The following PIWIL3 variants were observed in gnomAD, a reference collection of about 807,000 sequenced individuals.
PIWIL3 encodes piwi like RNA-mediated gene silencing 3, also known as piwi-like protein 3.
In PIWIL3, 101 loss-of-function variants were observed where a neutral mutation model predicts 109.7. The observed-to-expected ratio is 0.92, with a 90% confidence interval of 0.78 to 1.09. PIWIL3 has a LOEUF of 1.09. Among genes scored for constraint, PIWIL3 ranks in the 50% least tolerant of loss-of-function variants. The pLI, the probability that PIWIL3 is intolerant of heterozygous loss-of-function variation, is 0.00. For synonymous variants in PIWIL3, 373 were observed against 376.4 expected, an observed-to-expected ratio of 0.99 and a Z score of 0.10; for missense variants, 1,031 against 1,072.6, an observed-to-expected ratio of 0.96 and a Z score of 0.54.
At chr22:24,724,019 C>T (rs1209603789) in intron 18 of PIWIL3, among the ~76,000 whole-genome samples, 1 of 152,112 alleles carries the variant, frequency 6.6e-6, no homozygotes, top group Admixed American at 6.6e-5. Context: ...ACAAGCCTTC[C>T]CACAGCAAGA....
rs763894422 is a variant in PIWIL3 at position 24,762,408 on chromosome 22, C to T, written c.92G>A (p.Gly31Glu). 3.1e-5 allele frequency: 50 copies of T among 1,613,356 alleles called. No homozygotes were observed. In the South Asian group the frequency reaches 5.1e-4, roughly 16 times the overall value. Residue 31 changes from glycine to glutamate, a missense_variant, in exon 2 of 21, where the codon GGA becomes GAA. By Grantham distance (98) the Gly-to-Glu change is moderately conservative (BLOSUM62 -2). Coordinates refer to ENST00000616349, the MANE Select transcript of PIWIL3 (RefSeq NM_001255975.1). ...CGTTACAGGGCTCACTGTAGCTGAT[C>T]CAGGTGCTCTGGGTCCCCCAGGTGC... Reference protein sequence around the residue: ...QEAPGGPRAPGSATTQEPPQL... With the variant: ...QEAPGGPRAPESATTQEPPQL...
rs778241701 is a variant in PIWIL3 at position 24,719,904 on chromosome 22, A to G, written c.2358-9T>C. 2.5e-6 allele frequency: 4 copies of G among 1,604,220 alleles called. No individual in the cohort carries two copies. The highest frequency in any genetic ancestry group is 1.3e-5 in the African/African-American group (1 of 74,810). Reference sequence around the variant, plus strand: ...CAATAAAAAAGTCATACCTGGAAATATAGGACATGTGGGTATCAGCTCATT... The same window carrying G: ...CAATAAAAAAGTCATACCTGGAAATGTAGGACATGTGGGTATCAGCTCATT... On this transcript the variant is annotated splice_polypyrimidine_tract_variant and intron_variant, in intron 19 of 20. Coordinates refer to ENST00000616349, the MANE Select transcript of PIWIL3 (RefSeq NM_001255975.1).
At chr22:24,757,846 A>G (rs942221788) in intron 4 of PIWIL3, 62 bp downstream of exon 4, 441 of 715,600 alleles carry the variant, frequency 6.2e-4, no homozygotes, top group African/African-American at 3.9e-3. Context: ...TCTCAATGAA[A>G]AAAAAAAAAA....
In PIWIL3 at chr22:24,766,300, T is replaced by TTTTTG. The variant is rs538454232; in HGVS notation, c.-22-3784_-22-3780dup. On this transcript the variant is annotated intron_variant, in intron 1 of 20. Coordinates refer to ENST00000616349, the MANE Select transcript of PIWIL3 (RefSeq NM_001255975.1). ...CCATGCCTAGCCTAGGTTTTTTGTT[T>TTTTTG]TTTTGTTTTGTTTTGTTTTGTTTTT... Among the ~76,000 whole-genome samples the TTTTTG allele has an allele frequency of 1.4e-3, 210 of 151,544 alleles. 1 individual carries two copies. Among genetic ancestry groups the TTTTTG allele is most frequent in the African/African-American group, 3.9e-3 (159 of 41,170 alleles).
intron 1 of PIWIL3, among the ~76,000 whole-genome samples, chr22:24,771,455 C>T (rs193038414): frequency 2.6e-4 from 37 of 140,038 alleles, no homozygotes; most frequent in African/African-American, 9.4e-4. Context: ...CCAGCCTGGG[C>T]GACAGTGCAA....
At chr22:24,720,665 G>A (rs1922625075) in intron 19 of PIWIL3, among the ~76,000 whole-genome samples, 1 of 152,082 alleles carries the variant, frequency 6.6e-6, no homozygotes, top group Admixed American at 6.6e-5. Context: ...TGTACTTTAT[G>A]TTTATGATAC....
At chr22:24,752,373 G>A (rs1039282282) in intron 8 of PIWIL3, among the ~76,000 whole-genome samples, 1 of 152,044 alleles carries the variant, frequency 6.6e-6, no homozygotes, top group Admixed American at 6.5e-5. Flanking sequence ...GTGTTATGGT[G>A]CCCGCCCACC....
intron 14 of PIWIL3, among the ~76,000 whole-genome samples, chr22:24,731,578 G>C (rs1923351809): frequency 6.6e-6 from 1 of 151,914 alleles, no homozygotes; most frequent in Non-Finnish European, 1.5e-5. Context: ...ATGAACCCGG[G>C]AGGCGGAGGT....
At position 24,755,918 on chromosome 22, in the gene PIWIL3, AAAAAC is replaced by A; in HGVS notation, c.571-18_571-14del. 1 of 1,583,214 alleles carries A rather than the reference AAAAAC, an allele frequency of 6.3e-7. No individual in the cohort carries two copies. The highest frequency in any genetic ancestry group is 1.1e-5 in the South Asian group (1 of 87,322). ...ACCATTCCACTCTCTGAGATTAAAA[AAAAAC>A]AAAAAAAAAAGTCCAGATATTCTTC... On this transcript the variant is annotated splice_polypyrimidine_tract_variant and intron_variant, in intron 5 of 20. Coordinates refer to ENST00000616349, the MANE Select transcript of PIWIL3 (RefSeq NM_001255975.1).
intron 2 of PIWIL3, 131 bp from the exon 3 acceptor site, chr22:24,760,120 G>A (rs1253318144): frequency 7.9e-7 from 1 of 1,266,934 alleles, no homozygotes; most frequent in Admixed American, 2.1e-5. Flanking sequence ...CATAAACTAA[G>A]TTGTAATAAG....
chr22:24,742,830 T>C (rs1924090078), intron 12 of PIWIL3, among the ~76,000 whole-genome samples: 1 of 152,218 alleles, frequency 6.6e-6, no homozygotes, highest in African/African-American at 2.4e-5. Flanking sequence ...CTTCTAGACA[T>C]TGGCTTGGGC....
At chr22:24,772,701 G>T (rs1926195261) in intron 1 of PIWIL3, among the ~76,000 whole-genome samples, 1 of 141,840 alleles carries the variant, frequency 7.1e-6, no homozygotes, top group Non-Finnish European at 1.6e-5. Flanking sequence ...AGGATCCCAG[G>T]AATTAGAAAT....
At chr22:24,749,621 G>C in intron 10 of PIWIL3, 72 bp downstream of exon 10, 1 of 1,611,532 alleles carries the variant, frequency 6.2e-7, no homozygotes. Flanking sequence ...GACACCCTTC[G>C]AATTCCCTGA....
intron 6 of PIWIL3, among the ~76,000 whole-genome samples, 158 bp from the exon 7 acceptor site, chr22:24,755,022 G>A (rs1924941894): frequency 6.6e-6 from 1 of 152,166 alleles, no homozygotes; most frequent in African/African-American, 2.4e-5. Flanking sequence ...TGGATATTAA[G>A]GTTCATTTAA....
intron 12 of PIWIL3, among the ~76,000 whole-genome samples, chr22:24,745,717 G>GAAAAAAAAAAAAAAAAAAAAAA (rs71189273): frequency 1.2e-5 from 1 of 80,252 alleles, no homozygotes; most frequent in African/African-American, 4.7e-5. Flanking sequence ...GTCAGACTAA[G>GAAAAAAAAAAAAAAAAAAAAAA]AAAAAAAAAA....
rs745936518 is a variant in PIWIL3 at position 24,719,453 on chromosome 22, T to A, written c.*19A>T. ...TACACGTTGTGGTTTCATTAGCACA[T>A]CAGGTCTTCTTCTGCAGGTCAAAGG... On this transcript the variant is annotated 3_prime_UTR_variant, in exon 21 of 21. Transcript: ENST00000616349. The A allele has an allele frequency of 6.6e-7, 1 of 1,519,600 alleles. No homozygotes were observed. Among genetic ancestry groups the A allele is most frequent in the Non-Finnish European group, 8.9e-7 (1 of 1,125,834 alleles). The allele number at this position is 1,519,600 out of a possible 1,614,324, so 94.1% of individuals were successfully genotyped here.
intron 1 of PIWIL3, among the ~76,000 whole-genome samples, chr22:24,765,134 T>C (rs1162096709): frequency 2.6e-5 from 4 of 152,238 alleles, no homozygotes; most frequent in Non-Finnish European, 5.9e-5. Context: ...GGCAAATGGA[T>C]GGGAATTTGT....
At chr22:24,762,319 C>T (rs1184250450) in intron 2 of PIWIL3, 79 bp downstream of exon 2, 21 of 1,525,094 alleles carry the variant, frequency 1.4e-5, no homozygotes, top group Admixed American at 2.2e-5. Flanking sequence ...GAACTAGCTT[C>T]GCTCAACAAC....
In PIWIL3 at chr22:24,754,795, TA is replaced by T; in HGVS notation, c.761del (p.Leu254TyrfsTer31). ...NYYTKKKAIQ[L>X]YRHGTSLEIW... Reference sequence around the variant, plus strand: ...TACTTTATACAAACCCATGACGGTATAACTGAATGGCCTTCTTTTTGGTATA... The same window carrying T: ...TACTTTATACAAACCCATGACGGTATACTGAATGGCCTTCTTTTTGGTATA... On this transcript the variant is annotated frameshift_variant, in exon 7 of 21. Transcript: ENST00000616349. LOFTEE classifies it high-confidence loss of function. 1 of 1,607,086 alleles carries T rather than the reference TA, an allele frequency of 6.2e-7. No individual in the cohort carries two copies. Among genetic ancestry groups the T allele is most frequent in the Non-Finnish European group, 8.5e-7 (1 of 1,173,712 alleles).
Sources: gnomAD v4.1 joint callset for allele counts (sites outside exome capture counted in the v4.1 genomes callset) on GRCh38, gnomAD v4.1.1 for gene constraint, MANE v1.5 for transcripts, NCBI Gene and HGNC (gene_info 2026-07-23, HGNC 2026-07-21) for gene names.